Variants in COL13A1 observed in about 807,000 individuals in gnomAD.
COL13A1 encodes the protein collagen alpha-1(XIII) chain.
A neutral mutation model predicts 130.9 loss-of-function variants in COL13A1; 89 were observed. That is an observed-to-expected ratio of 0.68 (90% CI 0.57 to 0.81). The LOEUF (loss-of-function observed/expected upper bound fraction) is 0.81, where lower values mean the gene tolerates loss of function less well. Among genes scored for constraint, COL13A1 ranks in the 30% least tolerant of loss-of-function variants. The pLI, the probability that COL13A1 is intolerant of heterozygous loss-of-function variation, is 0.00. For missense variants in COL13A1, 879 were observed against 934.6 expected (o/e 0.94, Z 0.78); for synonymous variants, 402 against 341.6 (o/e 1.18, Z -1.95).
chr10:69,814,189 C>T (rs12768901), intron 1 of COL13A1, among the ~76,000 whole-genome samples: 23,720 of 152,144 alleles, frequency 0.16, 1,923 homozygotes, highest in Admixed American at 0.25. Context: ...GCCGGAGCTT[C>T]GTCTGCTGTG....
chr10:69,942,356 G>A (rs1320133395), intron 35 of COL13A1, among the ~76,000 whole-genome samples: 1 of 152,046 alleles, frequency 6.6e-6, no homozygotes, highest in Non-Finnish European at 1.5e-5. Context: ...TTGCTCCTTC[G>A]CCACAGTCCC....
chr10:69,904,219 AC>A (rs1455049146), intron 15 of COL13A1, among the ~76,000 whole-genome samples: 4 of 150,636 alleles, frequency 2.7e-5, no homozygotes, highest in Admixed American at 6.6e-5. Context: ...TTTCTACCCC[AC>A]CCCCCTCCTA....
intron 36 of COL13A1, 143 bp from the exon 37 acceptor site, chr10:69,945,528 C>T: frequency 1.8e-6 from 2 of 1,128,298 alleles, no homozygotes; most frequent in Admixed American, 2.2e-5. Context: ...CAGCAGCACC[C>T]CACCTTTCCC....
intron 21 of COL13A1, 51 bp from the exon 22 acceptor site, chr10:69,921,831 C>T: frequency 1.3e-6 from 2 of 1,572,426 alleles, no homozygotes; most frequent in Non-Finnish European, 1.7e-6. Context: ...GCTTCCCAAA[C>T]CTGCTGCAGA....
At chr10:69,854,704 C>T (rs567069385) in intron 2 of COL13A1, among the ~76,000 whole-genome samples, 2 of 152,146 alleles carry the variant, frequency 1.3e-5, no homozygotes, top group Admixed American at 1.3e-4. Context: ...CTCACAGGGA[C>T]GAGCTGTGAT....
intron 2 of COL13A1, among the ~76,000 whole-genome samples, chr10:69,851,834 T>C (rs1050794875): frequency 6.6e-6 from 1 of 152,156 alleles, no homozygotes; most frequent in Non-Finnish European, 1.5e-5. Flanking sequence ...TTTGTATTTT[T>C]AGTAGAGGTG....
At chr10:69,866,725 G>A (rs2058555757) in intron 2 of COL13A1, among the ~76,000 whole-genome samples, 1 of 152,194 alleles carries the variant, frequency 6.6e-6, no homozygotes, top group Admixed American at 6.5e-5. Context: ...ACAGAGGCCA[G>A]CATGAAAGAG....
intron 35 of COL13A1, among the ~76,000 whole-genome samples, chr10:69,941,425 G>T (rs542534308): frequency 6.6e-6 from 1 of 152,188 alleles, no homozygotes; most frequent in Non-Finnish European, 1.5e-5. Flanking sequence ...TTCATGCTGT[G>T]AGCTCTGTCC....
chr10:69,872,040 A>G, intron 3 of COL13A1, 144 bp from the exon 4 acceptor site: 1 of 914,198 alleles, frequency 1.1e-6, no homozygotes, highest in Non-Finnish European at 1.7e-6. Context: ...CTTAGCGATC[A>G]AGGCTCCCCC....
intron 21 of COL13A1, among the ~76,000 whole-genome samples, chr10:69,921,461 C>T (rs2064659067): frequency 6.6e-6 from 1 of 152,146 alleles, no homozygotes; most frequent in Non-Finnish European, 1.5e-5. Context: ...ACTGGGAGCC[C>T]TTAGTTGCTA....
intron 19 of COL13A1, 98 bp downstream of exon 19, chr10:69,918,415 C>T: frequency 8.5e-7 from 1 of 1,178,614 alleles, no homozygotes; most frequent in Non-Finnish European, 1.2e-6. Flanking sequence ...GGCTGCCAGA[C>T]CAATGAGGGG....
intron 6 of COL13A1, 83 bp downstream of exon 6, chr10:69,878,148 C>A: frequency 1.4e-5 from 10 of 693,926 alleles, no homozygotes; most frequent in Non-Finnish European, 1.6e-5. Context: ...CAGCCCTCCC[C>A]CCCATGAAAG....
intron 2 of COL13A1, among the ~76,000 whole-genome samples, chr10:69,862,953 G>A (rs1858603151): frequency 6.6e-6 from 1 of 152,208 alleles, no homozygotes; most frequent in African/African-American, 2.4e-5. Context: ...TGAGGTCTTG[G>A]GTGGAGGTGG....
rs1309055062 is a variant in COL13A1, at chr10:69,904,872, G to A, written c.859-61G>A. On this transcript the variant is annotated intron_variant, in intron 15 of 40. Coordinates refer to ENST00000645393, the MANE Select transcript of COL13A1 (RefSeq NM_001368882.1). ...CTAGGGTCTACTGTAAGTATGGCTA[G>A]CCCCAACCAGCTCTACTCACCTTTT... 8.4e-5 allele frequency: 128 copies of A among 1,526,740 alleles called. 1 individual carries two copies. Among genetic ancestry groups the A allele is most frequent in the East Asian group, 2.7e-4 (11 of 40,816 alleles). 94.6% of individuals were successfully genotyped at this position (1,526,740 alleles called of 1,614,324 possible). A position where few individuals can be genotyped will look rare whatever the true frequency, so the allele number is the denominator to read the frequency against.
intron 20 of COL13A1, among the ~76,000 whole-genome samples, 183 bp from the exon 21 acceptor site, chr10:69,919,482 G>A (rs1350504576): frequency 1.3e-5 from 2 of 152,228 alleles, no homozygotes; most frequent in African/African-American, 4.8e-5. Context: ...GCATTGAGGA[G>A]CTCTCAAAAG....
chr10:69,831,333 CT>C (rs987126237), intron 2 of COL13A1, among the ~76,000 whole-genome samples: 2 of 152,202 alleles, frequency 1.3e-5, no homozygotes, highest in African/African-American at 2.4e-5. Flanking sequence ...ACCTGACCCC[CT>C]CTGTGGTGCT....
intron 2 of COL13A1, among the ~76,000 whole-genome samples, chr10:69,858,201 G>A (rs1564862489): frequency 1.3e-5 from 2 of 151,792 alleles, no homozygotes; most frequent in South Asian, 2.1e-4. Flanking sequence ...ACAGTGGGCA[G>A]TATCATATGC....
At chr10:69,939,403 T>C (rs972871220) in intron 34 of COL13A1, among the ~76,000 whole-genome samples, 3 of 152,250 alleles carry the variant, frequency 2.0e-5, no homozygotes, top group Non-Finnish European at 4.4e-5. Flanking sequence ...CTGCAGACCA[T>C]AAAAAATATG....
At chr10:69,932,984 A>C (rs549095396) in intron 31 of COL13A1, among the ~76,000 whole-genome samples, 1 of 151,964 alleles carries the variant, frequency 6.6e-6, no homozygotes, top group South Asian at 2.1e-4. Context: ...TAAAAATACA[A>C]AATTAGCCAG....
Sources: gnomAD v4.1 joint callset for allele counts (sites outside exome capture counted in the v4.1 genomes callset) on GRCh38, gnomAD v4.1.1 for gene constraint, MANE v1.5 for transcripts, NCBI Gene and HGNC (gene_info 2026-07-23, HGNC 2026-07-21) for gene names.